Variants in SOCS6 observed in about 807,000 individuals in gnomAD.
SOCS6 encodes the protein STAT induced STAT inhibitor-4.
In SOCS6, 5 loss-of-function variants were observed where a neutral mutation model predicts 27.7. The observed-to-expected ratio is 0.18, with a 90% CI of 0.09 to 0.38. The LOEUF (loss-of-function observed/expected upper bound fraction) is 0.38, where lower values mean the gene tolerates loss of function less well. Among genes scored for constraint, SOCS6 ranks in the 10% least tolerant of loss-of-function variants. The pLI is 1.00. For missense variants in SOCS6, 595 were observed against 688.1 expected (o/e 0.86, Z 1.51); for synonymous variants, 271 against 260.0 (o/e 1.04, Z -0.41).
chr18:70,312,356 T>G (rs895572007), intron 1 of SOCS6, among the ~76,000 whole-genome samples: 3 of 152,214 alleles, frequency 2.0e-5, no homozygotes, highest in African/African-American at 7.2e-5. Flanking sequence ...TAAGGAACAT[T>G]GTTGTCCATA....
At chr18:70,298,268 T>C (rs1232780683) in intron 1 of SOCS6, among the ~76,000 whole-genome samples, 2 of 152,218 alleles carry the variant, frequency 1.3e-5, no homozygotes, top group African/African-American at 4.8e-5. Flanking sequence ...TCTTACCTAC[T>C]TGGTAGTTTA....
chr18:70,324,635 A>T lies in SOCS6; in HGVS notation c.-34A>T, dbSNP rs771774974. ...GTTTGGGGATAATATTCCAGATAGA[A>T]ATATTGATCCCTTGGATTAGGTAAC... On this transcript the variant is annotated 5_prime_UTR_variant, in exon 2 of 2. Coordinates refer to ENST00000397942, the MANE Select transcript of SOCS6 (RefSeq NM_004232.4). 5.0e-6 allele frequency: 7 copies of T among 1,397,194 alleles called. No homozygotes were observed. The highest frequency in any genetic ancestry group is 2.9e-6 in the Non-Finnish European group (3 of 1,017,324). 86.5% of individuals were successfully genotyped at this position (1,397,194 alleles called of 1,614,324 possible).
Position 70,326,054 on chromosome 18 carries a change from C to A in SOCS6, c.1386C>A (p.Ile462=), listed in dbSNP as rs1031315210. The A allele has an allele frequency of 2.5e-6, 4 of 1,614,150 alleles. No individual in the cohort carries two copies. The highest frequency in any genetic ancestry group is 1.7e-6 in the Non-Finnish European group (2 of 1,179,976). The change falls in exon 2 of 2, where the codon ATC becomes ATA. Residue 462 remains isoleucine, a synonymous_variant. Transcript: ENST00000397942. ...TSIVDLIEHS[I]RDSENGAFCY... The stretch of plus-strand genomic sequence containing the variant: ...TAGTTGATCTAATTGAGCATTCAAT[C>A]AGGGACTCTGAAAATGGAGCTTTTT...
At chr18:70,299,780 C>T (rs755816239) in intron 1 of SOCS6, among the ~76,000 whole-genome samples, 11 of 152,118 alleles carry the variant, frequency 7.2e-5, no homozygotes, top group Non-Finnish European at 8.8e-5. Context: ...TGAAATATGT[C>T]TTATATCACA....
chr18:70,318,938 CAAAA>C (rs891227748), intron 1 of SOCS6, among the ~76,000 whole-genome samples: 1 of 141,336 alleles, frequency 7.1e-6, no homozygotes, highest in Non-Finnish European at 1.5e-5. Flanking sequence ...TTCCGTCTCA[CAAAA>C]AAAAGAAAAG....
At chr18:70,308,832 A>G (rs2062379344) in intron 1 of SOCS6, among the ~76,000 whole-genome samples, 1 of 152,168 alleles carries the variant, frequency 6.6e-6, no homozygotes, top group African/African-American at 2.4e-5. Context: ...GCCCCTGGTA[A>G]TACTAAAAGT....
chr18:70,320,311 G>C (rs1006568522), intron 1 of SOCS6, among the ~76,000 whole-genome samples: 8 of 152,076 alleles, frequency 5.3e-5, no homozygotes, highest in Admixed American at 5.2e-4. Flanking sequence ...AAAATTTTGT[G>C]TTATGGTTTT....
At chr18:70,304,538 C>T (rs918924040) in intron 1 of SOCS6, among the ~76,000 whole-genome samples, 1 of 152,188 alleles carries the variant, frequency 6.6e-6, no homozygotes, top group Non-Finnish European at 1.5e-5. Flanking sequence ...TTTTGAATGA[C>T]TAATACTATT....
At chr18:70,289,715 G>A (rs1273551617) in intron 1 of SOCS6, among the ~76,000 whole-genome samples, 2 of 151,788 alleles carry the variant, frequency 1.3e-5, no homozygotes, top group South Asian at 4.1e-4. Flanking sequence ...CGCTGGTGGA[G>A]GTGCAGGCCG....
At position 70,330,147 on chromosome 18, in the gene SOCS6, TTATG is replaced by T. The variant is rs542946428; in HGVS notation, c.*3875_*3878del. ...TTTTGGAAATTAATTGTATAAGAAT[TTATG>T]TATCTGCTTCTAGATACAGTGTGTA... On this transcript the variant is annotated 3_prime_UTR_variant, in exon 2 of 2. Coordinates refer to ENST00000397942, the MANE Select transcript of SOCS6 (RefSeq NM_004232.4). The T allele has an allele frequency of 4.1e-4, 68 of 167,174 alleles. No homozygotes were observed. Among genetic ancestry groups the T allele is most frequent in the African/African-American group, 1.6e-3 (65 of 41,568 alleles). 10.4% of individuals were successfully genotyped at this position (167,174 alleles called of 1,614,324 possible).
intron 1 of SOCS6, among the ~76,000 whole-genome samples, chr18:70,304,819 T>C (rs1359483045): frequency 1.3e-5 from 2 of 152,246 alleles, no homozygotes; most frequent in Non-Finnish European, 2.9e-5. Context: ...GATGTTTAAC[T>C]TAGCAGAGTT....
chr18:70,302,317 GGAGTGTTCCAGGGGTAATGA>G (rs1158438467), intron 1 of SOCS6, among the ~76,000 whole-genome samples: 2 of 151,850 alleles, frequency 1.3e-5, no homozygotes. Context: ...ATTAAATGAG[GGAGTGTTCCAGGGGTAATGA>G]GAGTGTTCCA....
chr18:70,325,928 G>A lies in SOCS6; in HGVS notation c.1260G>A (p.Leu420=). 6.2e-7 allele frequency: 1 copy of A among 1,614,216 alleles called. No individual in the cohort carries two copies. The highest frequency in any genetic ancestry group is 8.5e-7 in the Non-Finnish European group (1 of 1,180,042). ...CTGACGACCGTTACCTTTTAAGCTT[G>A]AGCTTTCGCTCCCATGGTAAAACAC... ...DSSDDRYLLS[L]SFRSHGKTLH... The change falls in exon 2 of 2, where the codon TTG becomes TTA. Residue 420 remains leucine (L), a synonymous_variant. Coordinates refer to ENST00000397942, the MANE Select transcript of SOCS6 (RefSeq NM_004232.4). This position sits in a 1 kb window ranked among gnomAD's most constrained non-coding sequence, Gnocchi z 6.3.
chr18:70,317,739 C>T (rs2062418992), intron 1 of SOCS6, among the ~76,000 whole-genome samples: 1 of 151,794 alleles, frequency 6.6e-6, no homozygotes, highest in Non-Finnish European at 1.5e-5. Flanking sequence ...AATGGTAGAG[C>T]TACTTTTAGT....
intron 1 of SOCS6, among the ~76,000 whole-genome samples, chr18:70,301,769 A>G (rs1197503430): frequency 6.6e-6 from 1 of 152,226 alleles, no homozygotes; most frequent in Non-Finnish European, 1.5e-5. Context: ...TTAAGACTCC[A>G]GAGGGAGACT....
chr18:70,294,122 G>A (rs1375246086), intron 1 of SOCS6, among the ~76,000 whole-genome samples: 1 of 151,636 alleles, frequency 6.6e-6, no homozygotes, highest in Non-Finnish European at 1.5e-5. Context: ...AATGGAATGA[G>A]ATAATGCATG....
At chr18:70,319,419 G>T (rs993915156) in intron 1 of SOCS6, among the ~76,000 whole-genome samples, 1 of 151,942 alleles carries the variant, frequency 6.6e-6, no homozygotes, top group African/African-American at 2.4e-5. Context: ...TAAGCCTGTG[G>T]CTCTGGTCTG....
intron 1 of SOCS6, 63 bp from the exon 2 acceptor site, chr18:70,324,480 C>CTAAAA (rs1911109386): frequency 2.0e-6 from 1 of 491,564 alleles, no homozygotes; most frequent in Non-Finnish European, 3.5e-6. Flanking sequence ...TTAAAACTGA[C>CTAAAA]TAAAACAAAA....
intron 1 of SOCS6, among the ~76,000 whole-genome samples, chr18:70,292,015 C>T (rs925331186): frequency 1.3e-5 from 2 of 152,238 alleles, no homozygotes; most frequent in African/African-American, 2.4e-5. Context: ...GCTAATAAGT[C>T]GTGATGGCTT....
Sources: gnomAD v4.1 joint callset for allele counts (sites outside exome capture counted in the v4.1 genomes callset) on GRCh38, gnomAD v4.1.1 for gene constraint, Gnocchi (gnomAD v3.1) non-coding constraint, MANE v1.5 for transcripts, NCBI Gene and HGNC (gene_info 2026-07-23, HGNC 2026-07-21) for gene names.